ATOH8: variants seen among roughly 807,000 people sequenced by gnomAD.
ATOH8 encodes transcription factor ATOH8.
Under a neutral mutation model 21.2 loss-of-function variants are expected in ATOH8, and 9 were observed. The ratio of observed to expected loss-of-function variants is 0.42; its 90% CI spans 0.26 to 0.74. ATOH8 has a LOEUF of 0.74. Among genes scored for constraint, ATOH8 ranks in the 30% least tolerant of loss-of-function variants. The pLI, the probability that ATOH8 is intolerant of heterozygous loss-of-function variation, is 0.24. For missense variants in ATOH8, 524 were observed against 470.9 expected (o/e 1.11, Z -1.04); for synonymous variants, 253 against 224.0 (o/e 1.13, Z -1.16).
Position 85,785,284 on chromosome 2 carries a change from C to T in ATOH8, c.961-1601C>T. ...CGTGGACCACAGACCCAGTGCCATCCCCACGGGTTTCCTTTCCGCTTCTTA... is the reference window on the plus strand; with the variant it reads ...CGTGGACCACAGACCCAGTGCCATCTCCACGGGTTTCCTTTCCGCTTCTTA... On this transcript the variant is annotated intron_variant, in intron 2 of 2. Coordinates refer to ENST00000306279, the MANE Select transcript of ATOH8 (RefSeq NM_032827.7). The surrounding 1 kb of genome is among the most constrained non-coding windows in gnomAD (Gnocchi z 4.1). Among the ~76,000 whole-genome samples the T allele has an allele frequency of 6.6e-6, 1 of 152,270 alleles. No homozygotes were observed. The highest frequency in any genetic ancestry group is 1.9e-4 in the East Asian group (1 of 5,202).
intron 2 of ATOH8, among the ~76,000 whole-genome samples, chr2:85,778,164 G>T (rs578003011): frequency 1.3e-5 from 2 of 152,386 alleles, no homozygotes; most frequent in South Asian, 4.1e-4. Context: ...GGCACAGACA[G>T]GTTAAGCATC....
intron 2 of ATOH8, among the ~76,000 whole-genome samples, chr2:85,784,729 A>G (rs1161751082): frequency 6.6e-6 from 1 of 152,210 alleles, no homozygotes; most frequent in Non-Finnish European, 1.5e-5. Flanking sequence ...CTTTTGGGCA[A>G]TGCTAATCTG....
intron 2 of ATOH8, chr2:85,772,952 A>T (rs961446782): frequency 3.5e-5 from 14 of 396,240 alleles, no homozygotes; most frequent in African/African-American, 2.7e-4. Flanking sequence ...GGCTGTTGTC[A>T]CTGGGGATGG....
chr2:85,767,823 G>GGGAC (rs1246966495), intron 2 of ATOH8, among the ~76,000 whole-genome samples: 1 of 152,188 alleles, frequency 6.6e-6, no homozygotes, highest in African/African-American at 2.4e-5. Flanking sequence ...GACTGTGGAG[G>GGGAC]GGACCCAGGA....
At chr2:85,763,763 ACCTGTTTCTTCC>A (rs1287839499) in intron 1 of ATOH8, among the ~76,000 whole-genome samples, 8 of 151,856 alleles carry the variant, frequency 5.3e-5, no homozygotes, top group African/African-American at 1.9e-4. Context: ...CATAAGCCAA[ACCTGTTTCTTCC>A]CCTGCAAAAT....
At chr2:85,762,373 T>C (rs1385225213) in intron 1 of ATOH8, among the ~76,000 whole-genome samples, 2 of 152,192 alleles carry the variant, frequency 1.3e-5, no homozygotes, top group Admixed American at 1.3e-4. Context: ...TGAGCCCAGT[T>C]CAAAATATTC....
chr2:85,784,789 AGAGT>A (rs1680581407), intron 2 of ATOH8, among the ~76,000 whole-genome samples: 1 of 152,198 alleles, frequency 6.6e-6, no homozygotes, highest in South Asian at 2.1e-4. Flanking sequence ...ACAGAGCGGG[AGAGT>A]GAGTTACCCA....
At chr2:85,777,866 C>T (rs1456131149) in intron 2 of ATOH8, among the ~76,000 whole-genome samples, 2 of 152,186 alleles carry the variant, frequency 1.3e-5, no homozygotes, top group Admixed American at 6.5e-5. Context: ...TGAGGTAAGG[C>T]GGTGTTTTCA....
intron 2 of ATOH8, among the ~76,000 whole-genome samples, chr2:85,771,726 G>A (rs1680186187): frequency 6.6e-6 from 1 of 152,180 alleles, no homozygotes; most frequent in Non-Finnish European, 1.5e-5. Context: ...CGGCACTGCA[G>A]CAGACCACTG....
chr2:85,761,495 G>A (rs1202732584), intron 1 of ATOH8, among the ~76,000 whole-genome samples: 1 of 152,178 alleles, frequency 6.6e-6, no homozygotes, highest in East Asian at 1.9e-4. Context: ...ATTGGCCTTG[G>A]CCTCAGCTGT....
At chr2:85,762,106 A>G (rs1679887878) in intron 1 of ATOH8, among the ~76,000 whole-genome samples, 1 of 152,160 alleles carries the variant, frequency 6.6e-6, no homozygotes, top group African/African-American at 2.4e-5. Flanking sequence ...AAGACCAACC[A>G]TAATGCTTTC....
At chr2:85,777,498 A>C (rs911752960) in intron 2 of ATOH8, among the ~76,000 whole-genome samples, 1 of 152,260 alleles carries the variant, frequency 6.6e-6, no homozygotes, top group African/African-American at 2.4e-5. Flanking sequence ...CAGGGCAGAG[A>C]GCCGGCAAGC....
At position 85,778,225 on chromosome 2, in the gene ATOH8, A is replaced by G. The variant is rs894800379; in HGVS notation, c.961-8660A>G. Among the ~76,000 whole-genome samples, 4 of 152,208 alleles carry G rather than the reference A, an allele frequency of 2.6e-5. No individual in the cohort carries two copies. The East Asian group carries it at 7.7e-4, about 29-fold the overall frequency. ...AATGGGGAAGTCAGGATTCAAACAG[A>G]GGCCGTCTGGTGCCATAGCTGGCAC... On this transcript the variant is annotated intron_variant, in intron 2 of 2. Coordinates refer to ENST00000306279, the MANE Select transcript of ATOH8 (RefSeq NM_032827.7).
intron 2 of ATOH8, chr2:85,772,585 C>A (rs1680216245): frequency 2.4e-6 from 1 of 409,134 alleles, no homozygotes; most frequent in South Asian, 1.8e-5. Flanking sequence ...CCCAGCTCTC[C>A]CCTGGCCATC....
rs902473515 is a variant in ATOH8, at chr2:85,754,349, G to A, written c.160G>A (p.Ala54Thr). The A allele has an allele frequency of 1.9e-6, 3 of 1,607,196 alleles. No individual in the cohort carries two copies. The highest frequency in any genetic ancestry group is 2.7e-5 in the African/African-American group (2 of 73,678). Residue 54 changes from alanine (A) to threonine (T), a missense_variant, in exon 1 of 3, where the codon GCC becomes ACC. Ala to Thr is a moderately conservative substitution (Grantham distance 58, BLOSUM62 0). Transcript: ENST00000306279. ...RLDLEAPEPR[A>T]VATNGLRDRT... The stretch of plus-strand genomic sequence containing the variant: ...GGACTTGGAAGCGCCCGAGCCCCGC[G>A]CCGTAGCCACCAACGGGCTGCGGGA...
Position 85,754,509 on chromosome 2 carries a change from C to A in ATOH8, c.320C>A (p.Ala107Glu), listed in dbSNP as rs556162635. Residue 107 changes from alanine to glutamate, a missense_variant, in exon 1 of 3, where the codon GCG becomes GAG. Transcript: ENST00000306279. ...TCTCGGGCGCCCGAGGTCTCCGACG[C>A]GCGGAAACGCTGCTTCGCCCTAGGC... ...GGSRAPEVSD[A>E]RKRCFALGAV... The A allele has an allele frequency of 2.8e-6, 4 of 1,428,416 alleles. No individual in the cohort carries two copies. Among genetic ancestry groups the A allele is most frequent in the Non-Finnish European group, 3.6e-6 (4 of 1,100,816 alleles). 88.5% of individuals were successfully genotyped at this position (1,428,416 alleles called of 1,614,324 possible).
At chr2:85,781,021 C>A in intron 2 of ATOH8, 1 of 987,964 alleles carries the variant, frequency 1.0e-6, no homozygotes, top group Non-Finnish European at 1.2e-6. Flanking sequence ...CCCAGAATAA[C>A]CTCTGCAAAG....
At position 85,787,478 on chromosome 2, in the gene ATOH8, G is replaced by T. The variant is rs1016432291; in HGVS notation, c.*588G>T. On this transcript the variant is annotated 3_prime_UTR_variant, in exon 3 of 3. Coordinates refer to ENST00000306279, the MANE Select transcript of ATOH8 (RefSeq NM_032827.7). ...GGCTGGGGTGCCTGGGCGGGGCTGG[G>T]AGTGGGACCTGAGATCCCTGCCCAC... The T allele has an allele frequency of 1.3e-5, 2 of 153,172 alleles. No individual in the cohort carries two copies. Among genetic ancestry groups the T allele is most frequent in the African/African-American group, 4.8e-5 (2 of 41,464 alleles). 9.5% of individuals were successfully genotyped at this position (153,172 alleles called of 1,614,324 possible). A position where few individuals can be genotyped will look rare whatever the true frequency, so the allele number is the denominator to read the frequency against.
rs1680644384 is a variant in ATOH8 at position 85,787,232 on chromosome 2, AC to A, written c.*343del. 2.9e-6 allele frequency: 1 copy of A among 346,616 alleles called. No individual in the cohort carries two copies. Among genetic ancestry groups the A allele is most frequent in the African/African-American group, 2.1e-5 (1 of 47,684 alleles). 21.5% of individuals were successfully genotyped at this position (346,616 alleles called of 1,614,324 possible). ...GAAGGAAATGGGGTGGTGAAACCCC[AC>A]AGCGAAAAGCCACACCGTTGCTCTG... is the stretch of plus-strand genomic sequence containing the variant. On this transcript the variant is annotated 3_prime_UTR_variant, in exon 3 of 3. Transcript: ENST00000306279.
Sources: allele counts gnomAD v4.1 joint callset (sites outside exome capture counted in the v4.1 genomes callset), GRCh38; gene constraint gnomAD v4.1.1; non-coding constraint Gnocchi (gnomAD v3.1); transcripts MANE v1.5; gene names NCBI Gene and HGNC (gene_info 2026-07-23, HGNC 2026-07-21).